The following FBXO16 variants were observed in gnomAD, a reference collection of about 807,000 sequenced individuals.
FBXO16 encodes the protein F-box only protein 16.
FBXO16 carries 31 observed loss-of-function variants against 41.0 expected under a neutral mutation model. That is an observed-to-expected ratio of 0.76 (90% CI 0.57 to 1.02). The LOEUF (loss-of-function observed/expected upper bound fraction) is 1.02, where lower values mean the gene tolerates loss of function less well. FBXO16 is among the 50% of genes least tolerant of loss of function. The pLI, the probability that FBXO16 is intolerant of heterozygous loss-of-function variation, is 0.00. For synonymous variants in FBXO16, 133 were observed against 117.8 expected (o/e 1.13, Z -0.84); for missense variants, 361 against 346.2 (o/e 1.04, Z -0.34).
chr8:28,433,894 G>A (rs935623712), intron 7 of FBXO16, among the ~76,000 whole-genome samples: 3 of 151,862 alleles, frequency 2.0e-5, no homozygotes, highest in Admixed American at 6.6e-5. Flanking sequence ...CCAAGAAGAG[G>A]TAGAAACAGG....
chr8:28,455,733 C>T (rs1309824570), intron 5 of FBXO16: 2 of 152,234 alleles, frequency 1.3e-5, no homozygotes, highest in African/African-American at 4.8e-5. Context: ...AAATTCTTCA[C>T]TTAAAACTCT....
intron 1 of FBXO16, among the ~76,000 whole-genome samples, chr8:28,484,461 C>T (rs916173673): frequency 4.6e-5 from 7 of 152,206 alleles, no homozygotes; most frequent in Non-Finnish European, 1.0e-4. Context: ...TTAATTCTCC[C>T]TCATTGTTTA....
At chr8:28,473,740 A>T (rs372285700) in intron 3 of FBXO16, 32 bp downstream of exon 3, 2 of 1,573,950 alleles carry the variant, frequency 1.3e-6, no homozygotes, top group Admixed American at 1.7e-5. Context: ...ATAACATAAC[A>T]TAATGCAAAA....
At chr8:28,451,466 C>G (rs955591339) in intron 6 of FBXO16, among the ~76,000 whole-genome samples, 2 of 150,500 alleles carry the variant, frequency 1.3e-5, no homozygotes, top group African/African-American at 4.9e-5. Context: ...CTCAAGTGAT[C>G]CTCCTGCCTC....
intron 4 of FBXO16, among the ~76,000 whole-genome samples, chr8:28,460,859 C>T (rs371260897): frequency 4.6e-5 from 7 of 152,184 alleles, no homozygotes; most frequent in Admixed American, 2.0e-4. Flanking sequence ...CTCAGCCTCC[C>T]GAGTAGTTGG....
In FBXO16 at chr8:28,467,109, C is replaced by T. The variant is rs78014795; in HGVS notation, c.136-3291G>A. ...TACCACATCTGGCCTGGAATTCATT[C>T]TAAAATTACTTTTGGGCAGTGCTAT... is the stretch of plus-strand genomic sequence containing the variant. On this transcript the variant is annotated intron_variant, in intron 3 of 8. Coordinates refer to ENST00000380254, the MANE Select transcript of FBXO16 (RefSeq NM_172366.4). 1.2e-3 allele frequency among the ~76,000 whole-genome samples: 178 copies of T among 152,168 alleles called. 1 individual carries two copies. In the East Asian group the frequency reaches 0.025, roughly 21 times the overall value.
chr8:28,478,787 A>C (rs1226526993), intron 2 of FBXO16, among the ~76,000 whole-genome samples: 1 of 146,104 alleles, frequency 6.8e-6, no homozygotes. Flanking sequence ...ACGCCATTGC[A>C]CTCCAGCCTG....
intron 5 of FBXO16, among the ~76,000 whole-genome samples, chr8:28,455,204 T>C (rs1803020352): frequency 6.6e-6 from 1 of 151,732 alleles, no homozygotes; most frequent in African/African-American, 2.4e-5. Context: ...GCCTCCTGAG[T>C]AGCTGGGATT....
At chr8:28,429,245 A>G (rs1802571875) in intron 8 of FBXO16, 133 bp downstream of exon 8, 3 of 952,972 alleles carry the variant, frequency 3.1e-6, no homozygotes, top group Non-Finnish European at 3.2e-6. Context: ...TGCCTCCCAA[A>G]GTGCTGAGAT....
At chr8:28,432,017 G>A (rs1042057470) in intron 7 of FBXO16, among the ~76,000 whole-genome samples, 1 of 151,782 alleles carries the variant, frequency 6.6e-6, no homozygotes, top group African/African-American at 2.4e-5. Flanking sequence ...GTGAGCAAAC[G>A]TAGACATAAA....
chr8:28,430,277 C>T (rs1802587171), intron 7 of FBXO16, among the ~76,000 whole-genome samples: 1 of 152,034 alleles, frequency 6.6e-6, no homozygotes, highest in South Asian at 2.1e-4. Flanking sequence ...GAGGGTCTTC[C>T]TATGTTGCCT....
intron 7 of FBXO16, among the ~76,000 whole-genome samples, chr8:28,434,586 C>T (rs1802659078): frequency 6.6e-6 from 1 of 152,200 alleles, no homozygotes. Flanking sequence ...CACATCTTCA[C>T]TTTTTGTGAC....
At chr8:28,429,313 A>G in intron 8 of FBXO16, 65 bp downstream of exon 8, 1 of 1,555,566 alleles carries the variant, frequency 6.4e-7, no homozygotes, top group Non-Finnish European at 8.9e-7. Context: ...TCCATTAATC[A>G]ATACATGCAC....
At chr8:28,439,261 T>C (rs1802729066) in intron 7 of FBXO16, among the ~76,000 whole-genome samples, 1 of 152,158 alleles carries the variant, frequency 6.6e-6, no homozygotes, top group African/African-American at 2.4e-5. Flanking sequence ...TTAAGTAACT[T>C]ATCTGAAGTC....
intron 7 of FBXO16, among the ~76,000 whole-genome samples, chr8:28,429,837 T>C (rs1585886028): frequency 6.6e-6 from 1 of 152,326 alleles, no homozygotes; most frequent in East Asian, 1.9e-4. Context: ...CTGCCTGAAG[T>C]GCTCTCTGCA....
chr8:28,444,363 C>T (rs998431485), intron 7 of FBXO16, among the ~76,000 whole-genome samples: 14 of 147,564 alleles, frequency 9.5e-5, no homozygotes, highest in Non-Finnish European at 1.5e-4. Flanking sequence ...AGTGCAGTGG[C>T]GCGATCTCGG....
intron 3 of FBXO16, among the ~76,000 whole-genome samples, chr8:28,473,440 G>A (rs1026837744): frequency 1.3e-5 from 2 of 152,118 alleles, no homozygotes; most frequent in African/African-American, 4.8e-5. Context: ...TAGGTCATGA[G>A]GGTGGGGCCC....
intron 1 of FBXO16, among the ~76,000 whole-genome samples, chr8:28,485,210 T>C (rs1420339559): frequency 6.6e-6 from 1 of 152,176 alleles, no homozygotes; most frequent in Non-Finnish European, 1.5e-5. Context: ...TCTTGCCCTG[T>C]TTCCCAGGCT....
intron 2 of FBXO16, among the ~76,000 whole-genome samples, chr8:28,479,422 A>AT (rs1196215755): frequency 6.6e-6 from 1 of 152,168 alleles, no homozygotes; most frequent in African/African-American, 2.4e-5. Context: ...CATTCAGGCA[A>AT]TTTTTTGCCT....
Sources: allele counts gnomAD v4.1 joint callset (sites outside exome capture counted in the v4.1 genomes callset), GRCh38; gene constraint gnomAD v4.1.1; transcripts MANE v1.5; gene names NCBI Gene and HGNC (gene_info 2026-07-23, HGNC 2026-07-21).